Variants in UBQLN1 observed in about 807,000 individuals in gnomAD.
The protein encoded by UBQLN1 is ubiquilin-1.
Under a neutral mutation model 65.4 loss-of-function variants are expected in UBQLN1, and 13 were observed. The ratio of observed to expected loss-of-function variants is 0.20; its 90% CI spans 0.13 to 0.32. UBQLN1 has a LOEUF of 0.32. Ranked by LOEUF, UBQLN1 falls within the 10% of genes least tolerant of loss-of-function variation. The probability of loss-of-function intolerance (pLI) is 1.00; values close to 1 mark genes in which losing one functional copy is unlikely to be tolerated. For synonymous variants in UBQLN1, 267 were observed against 247.8 expected (o/e 1.08, Z -0.73); for missense variants, 561 against 724.0 (o/e 0.77, Z 2.58).
intron 2 of UBQLN1, 87 bp from the exon 3 acceptor site, chr9:83,683,153 C>T: frequency 1.1e-6 from 1 of 876,350 alleles, no homozygotes; most frequent in Non-Finnish European, 1.8e-6. Flanking sequence ...TGGCTCACGC[C>T]TGTAATCCCA....
At position 83,695,033 on chromosome 9, in the gene UBQLN1, G is replaced by C. The variant is rs12238575; in HGVS notation, c.181-8878C>G. Among the ~76,000 whole-genome samples, 1,264 of 152,070 alleles carry C rather than the reference G, an allele frequency of 8.3e-3. 35 individuals carry two copies. The highest frequency in any genetic ancestry group is 0.046 in the East Asian group (238 of 5,180). On this transcript the variant is annotated intron_variant, in intron 1 of 10. Coordinates refer to ENST00000376395, the MANE Select transcript of UBQLN1 (RefSeq NM_013438.5). The stretch of plus-strand genomic sequence containing the variant: ...TAGTTCTATATGGAAAGACTACCAA[G>C]GTAACACAAGTAGAACGAGTAAGAT...
At chr9:83,695,457 C>T (rs546241148) in intron 1 of UBQLN1, among the ~76,000 whole-genome samples, 4 of 152,356 alleles carry the variant, frequency 2.6e-5, no homozygotes, top group South Asian at 2.1e-4. Flanking sequence ...CTCAGCCTCC[C>T]GAAGTGCTGG....
chr9:83,684,943 C>T (rs988562247), intron 2 of UBQLN1, among the ~76,000 whole-genome samples: 3 of 152,176 alleles, frequency 2.0e-5, no homozygotes, highest in South Asian at 2.1e-4. Context: ...TTAACATCTC[C>T]GAAATCAGGA....
chr9:83,697,972 G>A lies in UBQLN1; in HGVS notation c.180+9528C>T, dbSNP rs577948558. On this transcript the variant is annotated intron_variant, in intron 1 of 10. Coordinates refer to ENST00000376395, the MANE Select transcript of UBQLN1 (RefSeq NM_013438.5). ...GCTGGTCTCAAACTCCTGACCTCAT[G>A]TGATCCACCCGCCTCGGCCTCCCAG... Among the ~76,000 whole-genome samples the A allele has an allele frequency of 3.4e-4, 51 of 152,186 alleles. 1 individual carries two copies. In the South Asian group the frequency reaches 9.9e-3, roughly 30 times the overall value.
chr9:83,685,002 T>A (rs1832015812), intron 2 of UBQLN1, among the ~76,000 whole-genome samples: 1 of 152,152 alleles, frequency 6.6e-6, no homozygotes, highest in Admixed American at 6.5e-5. Flanking sequence ...TGCCTGCACA[T>A]GTAGTCTACA....
intron 1 of UBQLN1, 44 bp from the exon 2 acceptor site, chr9:83,686,199 G>C: frequency 7.6e-7 from 1 of 1,318,580 alleles, no homozygotes; most frequent in Non-Finnish European, 1.0e-6. Flanking sequence ...TGTTTGCACA[G>C]CACCATACAG....
At chr9:83,668,962 T>C (rs897954235) in intron 7 of UBQLN1, 1 of 488,794 alleles carries the variant, frequency 2.0e-6, no homozygotes, top group Non-Finnish European at 3.3e-6. Context: ...CCTGCACTTC[T>C]TTCTAGTCAA....
intron 4 of UBQLN1, 79 bp from the exon 5 acceptor site, chr9:83,678,678 G>T (rs1335339804): frequency 7.1e-7 from 1 of 1,409,442 alleles, no homozygotes; most frequent in Non-Finnish European, 9.7e-7. Context: ...TTTATTAACT[G>T]CCATTAAACA....
Position 83,660,507 on chromosome 9 carries a change from TA to T in UBQLN1, c.*1279del, listed in dbSNP as rs969037725. The T allele has an allele frequency of 7.9e-5, 12 of 152,568 alleles. No homozygotes were observed. Among genetic ancestry groups the T allele is most frequent in the African/African-American group, 2.7e-4 (11 of 41,432 alleles). 9.5% of individuals were successfully genotyped at this position (152,568 alleles called of 1,614,324 possible). On this transcript the variant is annotated 3_prime_UTR_variant, in exon 11 of 11. Transcript: ENST00000376395. ...TTTGGGGGAGGGAAGAAAAAGGCTATAAAACAGCCAAATGTACTCAACATCA... is the reference window on the plus strand; with the variant it reads ...TTTGGGGGAGGGAAGAAAAAGGCTATAAACAGCCAAATGTACTCAACATCA...
At position 83,660,771 on chromosome 9, in the gene UBQLN1, A is replaced by G. The variant is rs532471450; in HGVS notation, c.*1016T>C. ...TTCAGAAACAATTGGCTCACAACTC[A>G]TTTTAAATTTGTGTATTGCCTGTGC... is the stretch of plus-strand genomic sequence containing the variant. On this transcript the variant is annotated 3_prime_UTR_variant, in exon 11 of 11. Coordinates refer to ENST00000376395, the MANE Select transcript of UBQLN1 (RefSeq NM_013438.5). 3.9e-4 allele frequency: 60 copies of G among 152,126 alleles called. No individual in the cohort carries two copies. The highest frequency in any genetic ancestry group is 5.9e-5 in the Non-Finnish European group (4 of 68,012). The allele number at this position is 152,126 out of a possible 1,614,324, so 9.4% of individuals were successfully genotyped here.
chr9:83,685,540 C>A (rs951914506), intron 2 of UBQLN1, among the ~76,000 whole-genome samples: 2 of 151,448 alleles, frequency 1.3e-5, no homozygotes, highest in South Asian at 2.1e-4. Context: ...CACTGTGGCA[C>A]GCACCTACAG....
chr9:83,670,490 C>T (rs922887450), intron 6 of UBQLN1, among the ~76,000 whole-genome samples: 2 of 151,932 alleles, frequency 1.3e-5, no homozygotes, highest in African/African-American at 2.4e-5. Context: ...CCAGCGCATA[C>T]AAAAGTTGTT....
chr9:83,680,208 A>C (rs1173366594), intron 3 of UBQLN1, among the ~76,000 whole-genome samples, 171 bp from the exon 4 acceptor site: 3 of 152,244 alleles, frequency 2.0e-5, no homozygotes, highest in Non-Finnish European at 4.4e-5. Flanking sequence ...CTATCATTGA[A>C]ATTAGCCAAA....
Position 83,694,900 on chromosome 9 carries a change from C to T in UBQLN1, c.181-8745G>A, listed in dbSNP as rs189200909. On this transcript the variant is annotated intron_variant, in intron 1 of 10. Coordinates refer to ENST00000376395, the MANE Select transcript of UBQLN1 (RefSeq NM_013438.5). ...GCTGAGATGATTAAAGCTCCTTACC[C>T]ATCATCAGATTTCTCCAATTCTAAG... Among the ~76,000 whole-genome samples, 423 of 152,286 alleles carry T rather than the reference C, an allele frequency of 2.8e-3. 3 individuals carry two copies. Among genetic ancestry groups the T allele is most frequent in the Non-Finnish European group, 3.6e-3 (243 of 68,016 alleles).
rs141807690 is a variant in UBQLN1, at chr9:83,666,428, C to G, written c.1254G>C (p.Met418Ile). Residue 418 changes from methionine (M) to isoleucine (I), a missense_variant, in exon 8 of 11, where the codon ATG becomes ATC. Around this residue, in one of 8 missense-constraint regions of UBQLN1, gnomAD observed 102 missense variants for 150.7 expected, o/e 0.68. Transcript: ENST00000376395. Reference protein sequence around the residue: ...SQNPDLAAQMMLNNPLFAGNP... With the variant: ...SQNPDLAAQMILNNPLFAGNP... ...TTCCAGCAAATAGGGGATTATTCAGCATCATCTATGGGGCAAGTGTTCAAA... is the reference window on the plus strand; with the variant it reads ...TTCCAGCAAATAGGGGATTATTCAGGATCATCTATGGGGCAAGTGTTCAAA... 1.2e-6 allele frequency: 2 copies of G among 1,613,508 alleles called. No homozygotes were observed. The highest frequency in any genetic ancestry group is 2.7e-5 in the African/African-American group (2 of 74,910).
chr9:83,666,235 T>C lies in UBQLN1; in HGVS notation c.1332+115A>G, dbSNP rs563574143. 160 of 904,602 alleles carry C rather than the reference T, an allele frequency of 1.8e-4. 1 individual carries two copies. In the African/African-American group the frequency reaches 2.3e-3, roughly 13 times the overall value. The allele number at this position is 904,602 out of a possible 1,614,324, so 56.0% of individuals were successfully genotyped here. On this transcript the variant is annotated intron_variant, in intron 8 of 10. Coordinates refer to ENST00000376395, the MANE Select transcript of UBQLN1 (RefSeq NM_013438.5). ...AATTCTCTACGAATTGACAGCATTA[T>C]TGGTCTCTATTCTATGTTTTGCTAT...
At position 83,683,789 on chromosome 9, in the gene UBQLN1, G is replaced by A. The variant is rs555034809; in HGVS notation, c.333-723C>T. Among the ~76,000 whole-genome samples the A allele has an allele frequency of 3.3e-5, 5 of 152,258 alleles. No individual in the cohort carries two copies. The East Asian group carries it at 5.8e-4, about 18-fold the overall frequency. On this transcript the variant is annotated intron_variant, in intron 2 of 10. Coordinates refer to ENST00000376395, the MANE Select transcript of UBQLN1 (RefSeq NM_013438.5). ...TGTAATCCCAGCACTTTGCGAGGCC[G>A]AGGCAGGCGATCAACTGAGGTCAGG...
chr9:83,673,157 GAGA>G (rs1014245103), intron 6 of UBQLN1, among the ~76,000 whole-genome samples: 7 of 152,304 alleles, frequency 4.6e-5, no homozygotes, highest in African/African-American at 1.7e-4. Context: ...TTGAACCCAG[GAGA>G]AGAAGGTTGC....
At position 83,677,380 on chromosome 9, in the gene UBQLN1, T is replaced by C. The variant is rs147360662; in HGVS notation, c.1105+347A>G. ...GAGTTCAAGACCAGCCTGACCAAGA[T>C]GGAGAAACCCTGTCTCTACTAAAAA... On this transcript the variant is annotated intron_variant, in intron 6 of 10. Coordinates refer to ENST00000376395, the MANE Select transcript of UBQLN1 (RefSeq NM_013438.5). 8.3e-3 allele frequency among the ~76,000 whole-genome samples: 1,266 copies of C among 152,248 alleles called. 36 individuals carry two copies. The highest frequency in any genetic ancestry group is 0.046 in the East Asian group (236 of 5,174).
Sources: allele counts gnomAD v4.1 joint callset (sites outside exome capture counted in the v4.1 genomes callset), GRCh38; gene constraint gnomAD v4.1.1; regional missense constraint gnomAD v4.1.1; transcripts MANE v1.5; gene names NCBI Gene and HGNC (gene_info 2026-07-23, HGNC 2026-07-21).